FKBP15: variants seen among roughly 807,000 people sequenced by gnomAD.
FKBP15 encodes the protein FK506-binding protein 15.
In FKBP15, 106 loss-of-function variants were observed where a neutral mutation model predicts 158.1. The observed-to-expected ratio is 0.67, with a 90% confidence interval of 0.57 to 0.79. The LOEUF (loss-of-function observed/expected upper bound fraction) is 0.79, where lower values mean the gene tolerates loss of function less well. Ranked by LOEUF, FKBP15 falls within the 30% of genes least tolerant of loss-of-function variation. The probability of loss-of-function intolerance (pLI) is 0.00; values close to 1 mark genes in which losing one functional copy is unlikely to be tolerated. For missense variants in FKBP15, 1,287 were observed against 1,479.1 expected, an observed-to-expected ratio of 0.87 and a Z score of 2.13; for synonymous variants, 547 against 548.6, an observed-to-expected ratio of 1.00 and a Z score of 0.04.
Position 113,187,839 on chromosome 9 carries a change from G to A in FKBP15, c.1337C>T (p.Ser446Phe). Residue 446 changes from serine (S) to phenylalanine (F), a missense_variant, in exon 14 of 28, where the codon TCT (serine) becomes TTT (phenylalanine). Coordinates refer to ENST00000238256, the MANE Select transcript of FKBP15 (RefSeq NM_015258.2). ...APSAALMQVS[S>F]LDSHSAVSGN... is the part of the protein sequence containing the mutation. ...AGATACAGCTGAGTGGGAATCGAGA[G>A]ATGACACTTGCATTAAGGCAGCAGA... is the stretch of plus-strand genomic sequence containing the variant. The A allele has an allele frequency of 6.2e-7, 1 of 1,613,996 alleles. No homozygotes were observed. The highest frequency in any genetic ancestry group is 1.1e-5 in the South Asian group (1 of 91,080).
chr9:113,211,464 A>G lies in FKBP15; in HGVS notation c.169+13T>C, dbSNP rs746598368. 6.3e-7 allele frequency: 1 copy of G among 1,594,844 alleles called. No individual in the cohort carries two copies. Among genetic ancestry groups the G allele is most frequent in the South Asian group, 1.1e-5 (1 of 87,896 alleles). ...ATTAGCCACCTCGCTCGGCTAATAC[A>G]CTCTTAACTTACCTGTTGCTGCCGT... On this transcript the variant is annotated intron_variant, in intron 2 of 27. Transcript: ENST00000238256.
Position 113,174,423 on chromosome 9 carries a change from A to ATTACC in FKBP15, c.2379_2379+4dup. The stretch of plus-strand genomic sequence containing the variant: ...TATTTTCAAAGTGCTTCAGTTTCCC[A>ATTACC]TTACCTGCTCTGCAGCTGCTTGGTC... On this transcript the variant is annotated splice_donor_region_variant and intron_variant, in intron 22 of 27. Transcript: ENST00000238256. 6.2e-7 allele frequency: 1 copy of ATTACC among 1,613,006 alleles called. No individual in the cohort carries two copies. Among genetic ancestry groups the ATTACC allele is most frequent in the Non-Finnish European group, 8.5e-7 (1 of 1,179,458 alleles).
intron 4 of FKBP15, among the ~76,000 whole-genome samples, chr9:113,204,347 C>T (rs1434450215): frequency 4.6e-5 from 7 of 152,198 alleles, no homozygotes; most frequent in Non-Finnish European, 8.8e-5. Flanking sequence ...GGATTGCAGG[C>T]GTAAGCCACC....
In FKBP15 at chr9:113,183,839, C is replaced by T. The variant is rs1287151299; in HGVS notation, c.1723G>A (p.Glu575Lys). The change falls in exon 18 of 28, where the codon GAA becomes AAA. Residue 575 changes from glutamate to lysine, a missense_variant. Glu to Lys is a moderately conservative substitution (Grantham distance 56). Transcript: ENST00000238256. ...SNIQRIIQEN[E>K]RLKQEILEKS... The stretch of plus-strand genomic sequence containing the variant: ...TCAAGGATCTCTTGCTTCAATCTTT[C>T]ATTTTCCTAATTTCAAAATATATGA... 2 of 1,611,292 alleles carry T rather than the reference C, an allele frequency of 1.2e-6. No homozygotes were observed. The highest frequency in any genetic ancestry group is 1.7e-6 in the Non-Finnish European group (2 of 1,177,894).
Position 113,211,460 on chromosome 9 carries a change from A to G in FKBP15, c.169+17T>C. 1.3e-6 allele frequency: 2 copies of G among 1,590,834 alleles called. No individual in the cohort carries two copies. Among genetic ancestry groups the G allele is most frequent in the Non-Finnish European group, 1.7e-6 (2 of 1,166,768 alleles). ...AGGCATTAGCCACCTCGCTCGGCTA[A>G]TACACTCTTAACTTACCTGTTGCTG... On this transcript the variant is annotated intron_variant, in intron 2 of 27. Transcript: ENST00000238256.
chr9:113,183,636 A>G (rs1170105277), intron 18 of FKBP15, 115 bp downstream of exon 18: 1 of 686,392 alleles, frequency 1.5e-6, no homozygotes, highest in Non-Finnish European at 2.5e-6. Context: ...CAGGCAGGAA[A>G]CAGAAATGGC....
rs1830091208 is a variant in FKBP15 at position 113,165,912 on chromosome 9, G to T, written c.*166C>A. ...ATGATCCTCTTCACCAGGTCTGGCG[G>T]GGGTGGGGCTCAGAAGGTGGCCAAC... is the stretch of plus-strand genomic sequence containing the variant. On this transcript the variant is annotated 3_prime_UTR_variant, in exon 28 of 28. Transcript: ENST00000238256. 2.8e-5 allele frequency: 16 copies of T among 569,764 alleles called. No homozygotes were observed. Among genetic ancestry groups the T allele is most frequent in the Non-Finnish European group, 5.0e-5 (16 of 319,118 alleles). The allele number at this position is 569,764 out of a possible 1,614,324, so 35.3% of individuals were successfully genotyped here.
chr9:113,210,096 G>A (rs1026500101), intron 2 of FKBP15, among the ~76,000 whole-genome samples: 8 of 152,178 alleles, frequency 5.3e-5, no homozygotes. Context: ...GTTTGGGAGA[G>A]CGGTGTCCAT....
chr9:113,197,177 G>A (rs1337541240), intron 8 of FKBP15, 99 bp from the exon 9 acceptor site: 12 of 1,437,738 alleles, frequency 8.3e-6, no homozygotes, highest in African/African-American at 1.4e-5. Context: ...ACACTTTCAC[G>A]TTTACTCAGT....
chr9:113,209,328 C>A (rs1830956684), intron 2 of FKBP15, among the ~76,000 whole-genome samples: 2 of 152,170 alleles, frequency 1.3e-5, no homozygotes, highest in South Asian at 4.1e-4. Context: ...CAAGTGTTTT[C>A]ATTGGGTGGG....
rs749549550 is a variant in FKBP15, at chr9:113,196,915, C to CA, written c.864+16dup. The CA allele has an allele frequency of 3.1e-5, 50 of 1,612,498 alleles. No individual in the cohort carries two copies. The highest frequency in any genetic ancestry group is 2.3e-4 in the Admixed American group (14 of 59,958). The stretch of plus-strand genomic sequence containing the variant: ...GGCAGAGGACTCATCAAACAAAACA[C>CA]AGAGAGTTTCACTCACCCGCCTAAC... On this transcript the variant is annotated intron_variant, in intron 9 of 27. Transcript: ENST00000238256.
chr9:113,191,503 G>A (rs1830574952), intron 11 of FKBP15, among the ~76,000 whole-genome samples: 1 of 151,322 alleles, frequency 6.6e-6, no homozygotes, highest in African/African-American at 2.4e-5. Context: ...AACTGATGAT[G>A]TATCCAAAAA....
At chr9:113,201,309 T>C (rs759695381) in intron 6 of FKBP15, among the ~76,000 whole-genome samples, 1 of 151,936 alleles carries the variant, frequency 6.6e-6, no homozygotes, top group African/African-American at 2.4e-5. Context: ...TGGAAATATG[T>C]AGGGGGGAAA....
chr9:113,211,810 G>A (rs1831012269), intron 1 of FKBP15, among the ~76,000 whole-genome samples: 1 of 151,790 alleles, frequency 6.6e-6, no homozygotes, highest in African/African-American at 2.4e-5. Context: ...AATCAAGATT[G>A]TGTATGTGAT....
intron 27 of FKBP15, 95 bp from the exon 28 acceptor site, chr9:113,166,250 C>A: frequency 4.3e-6 from 5 of 1,155,694 alleles, no homozygotes; most frequent in Non-Finnish European, 6.3e-6. Context: ...CTGTTCCCAG[C>A]TCTGGGTCAG....
chr9:113,196,425 C>T (rs1477006737), intron 9 of FKBP15, among the ~76,000 whole-genome samples: 2 of 149,568 alleles, frequency 1.3e-5, no homozygotes, highest in African/African-American at 4.9e-5. Context: ...GCTCTGTCGC[C>T]CAGGCTGGAG....
chr9:113,183,914 A>C (rs1830444097), intron 17 of FKBP15, 69 bp from the exon 18 acceptor site: 6 of 1,096,420 alleles, frequency 5.5e-6, no homozygotes, highest in East Asian at 2.3e-5. Context: ...AAGAGAATCA[A>C]CTTGAACTGA....
chr9:113,178,697 C>G lies in FKBP15; in HGVS notation c.2019G>C (p.Leu673=). ...GATCTGTCTCCTTCAGGCTTTCTGTCAGCTGCATCTGCAGCTCTGTTTCCT... is the reference window on the plus strand; with the variant it reads ...GATCTGTCTCCTTCAGGCTTTCTGTGAGCTGCATCTGCAGCTCTGTTTCCT... ...QKKETELQMQ[L]TESLKETDLL... is the part of the protein sequence containing the mutation. The change falls in exon 20 of 28, where the codon CTG becomes CTC. Residue 673 remains leucine, a synonymous_variant. Transcript: ENST00000238256. The G allele has an allele frequency of 6.2e-7, 1 of 1,609,630 alleles. No homozygotes were observed. Among genetic ancestry groups the G allele is most frequent in the Non-Finnish European group, 8.5e-7 (1 of 1,177,988 alleles).
rs1830337791 is a variant in FKBP15 at position 113,178,604 on chromosome 9, CCCAGCATCCCCCA to C, written c.2086+13_2086+25del. 1 of 1,562,462 alleles carries C rather than the reference CCCAGCATCCCCCA, an allele frequency of 6.4e-7. No homozygotes were observed. Among genetic ancestry groups the C allele is most frequent in the Admixed American group, 1.9e-5 (1 of 52,442 alleles). ...TTCCTTGAGTTTAAATGGCAACAAT[CCCAGCATCCCCCA>C]CCTAGCACATACCTGAGAGCTTTGC... On this transcript the variant is annotated intron_variant, in intron 20 of 27. Transcript: ENST00000238256.
Sources: gnomAD v4.1 joint callset for allele counts (sites outside exome capture counted in the v4.1 genomes callset) on GRCh38, gnomAD v4.1.1 for gene constraint, MANE v1.5 for transcripts, NCBI Gene and HGNC (gene_info 2026-07-23, HGNC 2026-07-21) for gene names.